Variants in ARHGAP21 observed in about 807,000 individuals in gnomAD.
ARHGAP21 encodes the protein Rho GTPase activating protein 21.
A neutral mutation model predicts 164.6 loss-of-function variants in ARHGAP21; 38 were observed. The observed-to-expected ratio is 0.23, with a 90% CI of 0.18 to 0.30. The LOEUF (loss-of-function observed/expected upper bound fraction) is 0.30. ARHGAP21 is among the 10% of genes least tolerant of loss of function. The pLI, the probability that ARHGAP21 is intolerant of heterozygous loss-of-function variation, is 1.00. For synonymous variants in ARHGAP21, 766 were observed against 857.9 expected (o/e 0.89, Z 1.87); for missense variants, 1,822 against 2,370.7 (o/e 0.77, Z 4.81).
intron 9 of ARHGAP21, among the ~76,000 whole-genome samples, chr10:24,609,005 T>G (rs1430094487): frequency 6.6e-6 from 1 of 152,196 alleles, no homozygotes; most frequent in East Asian, 1.9e-4. Flanking sequence ...AAATTGCACA[T>G]GTTTAACAAA....
intron 12 of ARHGAP21, among the ~76,000 whole-genome samples, chr10:24,602,516 T>C (rs1245282537): frequency 6.6e-6 from 1 of 152,088 alleles, no homozygotes; most frequent in Non-Finnish European, 1.5e-5. Flanking sequence ...GAGCCAGCCA[T>C]AAAAGGTCAG....
rs762309469 is a variant in ARHGAP21 at position 24,620,000 on chromosome 10, T to C, written c.1895A>G (p.His632Arg). 18 of 1,613,988 alleles carry C rather than the reference T, an allele frequency of 1.1e-5. No individual in the cohort carries two copies. The highest frequency in any genetic ancestry group is 1.3e-5 in the African/African-American group (1 of 75,040). ...CTGGCTAAATGATGGTTTTGTGACA[T>C]GCGTGGAAGGAGCTTTCAGAGAATT... ...RSNSLKAPST[H>R]VTKPSFSQKS... is the part of the protein sequence containing the mutation. The change falls in exon 9 of 26, where the codon CAT (histidine) becomes CGT (arginine). Residue 632 changes from histidine to arginine, a missense_variant. Coordinates refer to ENST00000396432, the MANE Select transcript of ARHGAP21 (RefSeq NM_020824.4).
Position 24,642,080 on chromosome 10 carries a change from T to A in ARHGAP21, c.269-6977A>T, listed in dbSNP as rs192223363. On this transcript the variant is annotated intron_variant, in intron 4 of 25. Transcript: ENST00000396432. ...GACAATAAAGCCCATGAATGCAGCT[T>A]AATTATAAAAACATTTTCAATCTTG... Among the ~76,000 whole-genome samples, 1,068 of 152,204 alleles carry A rather than the reference T, an allele frequency of 7.0e-3. 11 individuals carry two copies. The highest frequency in any genetic ancestry group is 0.024 in the African/African-American group (1,004 of 41,526).
intron 4 of ARHGAP21, among the ~76,000 whole-genome samples, chr10:24,664,720 A>G (rs934657587): frequency 2.2e-5 from 1 of 44,462 alleles, no homozygotes; most frequent in African/African-American, 1.8e-4. Flanking sequence ...GTGGCCATAA[A>G]CCCTTGAGTG....
chr10:24,635,201 T>A, intron 4 of ARHGAP21, 98 bp from the exon 5 acceptor site: 3 of 698,930 alleles, frequency 4.3e-6, no homozygotes, highest in Non-Finnish European at 6.7e-6. Context: ...CAAAGCTTTT[T>A]AATGAAATAT....
At chr10:24,627,717 T>C (rs1466336069) in intron 7 of ARHGAP21, among the ~76,000 whole-genome samples, 1 of 152,198 alleles carries the variant, frequency 6.6e-6, no homozygotes, top group East Asian at 1.9e-4. Flanking sequence ...CAGACTATTC[T>C]AGAATATGAA....
chr10:24,662,317 GAAGT>G (rs1035209242), intron 4 of ARHGAP21, among the ~76,000 whole-genome samples: 2 of 152,150 alleles, frequency 1.3e-5, no homozygotes, highest in African/African-American at 2.4e-5. Context: ...GATGTTAACA[GAAGT>G]AAGAGGGCAG....
chr10:24,596,603 T>C (rs1264532831), intron 17 of ARHGAP21, 137 bp downstream of exon 17: 1 of 1,176,736 alleles, frequency 8.5e-7, no homozygotes, highest in Non-Finnish European at 1.2e-6. Context: ...CAGAAATACT[T>C]AGGGAAACTA....
intron 9 of ARHGAP21, among the ~76,000 whole-genome samples, chr10:24,618,902 G>C (rs1169654635): frequency 6.6e-6 from 1 of 152,110 alleles, no homozygotes; most frequent in African/African-American, 2.4e-5. Flanking sequence ...GAACAGATCT[G>C]GGGTGGGAGG....
intron 2 of ARHGAP21, among the ~76,000 whole-genome samples, chr10:24,679,290 G>A (rs1372546198): frequency 6.6e-6 from 1 of 152,150 alleles, no homozygotes; most frequent in African/African-American, 2.4e-5. Flanking sequence ...GTTTGGTGAA[G>A]GCCTACTTCC....
At chr10:24,660,165 C>A (rs768618612) in intron 4 of ARHGAP21, among the ~76,000 whole-genome samples, 16 of 151,882 alleles carry the variant, frequency 1.1e-4, no homozygotes, top group Non-Finnish European at 1.6e-4. Context: ...AAAAAACATA[C>A]CTAATTAGTA....
intron 2 of ARHGAP21, among the ~76,000 whole-genome samples, chr10:24,702,127 C>CTTTTTTTT (rs71798625): frequency 2.0e-4 from 21 of 104,598 alleles, no homozygotes; most frequent in Non-Finnish European, 2.9e-4. Flanking sequence ...ACTTCCGGTT[C>CTTTTTTTT]TTTTTTTTTT....
At chr10:24,656,032 G>A (rs1240691189) in intron 4 of ARHGAP21, among the ~76,000 whole-genome samples, 1 of 145,636 alleles carries the variant, frequency 6.9e-6, no homozygotes, top group Non-Finnish European at 1.5e-5. Context: ...TGCCCCGTCT[G>A]AGAAGTGAGG....
chr10:24,645,343 G>A (rs1837451656), intron 4 of ARHGAP21, among the ~76,000 whole-genome samples: 1 of 152,122 alleles, frequency 6.6e-6, no homozygotes, highest in African/African-American at 2.4e-5. Context: ...CATTTTGGGA[G>A]GCTGAGATGG....
At chr10:24,693,430 T>G (rs950654569) in intron 2 of ARHGAP21, among the ~76,000 whole-genome samples, 1 of 151,936 alleles carries the variant, frequency 6.6e-6, no homozygotes. Context: ...CTGCAACCTC[T>G]GCCTCTGCCT....
rs889240656 is a variant in ARHGAP21, at chr10:24,660,050, CATT to C, written c.268+6932_268+6934del. 9.1e-4 allele frequency among the ~76,000 whole-genome samples: 139 copies of C among 152,226 alleles called. 1 individual carries two copies. The highest frequency in any genetic ancestry group is 4.2e-3 in the Admixed American group (64 of 15,290). ...CTGCCACCACCACCACTACCATCAT[CATT>C]ATCATCTTCATCATCATCATTATTC... is the stretch of plus-strand genomic sequence containing the variant. On this transcript the variant is annotated intron_variant, in intron 4 of 25. Coordinates refer to ENST00000396432, the MANE Select transcript of ARHGAP21 (RefSeq NM_020824.4).
chr10:24,589,124 ATAT>A, intron 25 of ARHGAP21, 144 bp downstream of exon 25: 1 of 736,640 alleles, frequency 1.4e-6, no homozygotes, highest in Non-Finnish European at 2.3e-6. Context: ...TTCTTATCAT[ATAT>A]TGTTTTAGGA....
chr10:24,678,165 C>T (rs891821596), intron 2 of ARHGAP21, among the ~76,000 whole-genome samples: 3 of 152,102 alleles, frequency 2.0e-5, no homozygotes, highest in African/African-American at 7.2e-5. Context: ...AATCTTTACG[C>T]AATTTCCTTC....
intron 24 of ARHGAP21, 161 bp downstream of exon 24, chr10:24,591,064 T>C (rs1353426074): frequency 7.2e-6 from 4 of 552,526 alleles, no homozygotes; most frequent in Middle Eastern, 1.8e-3. Flanking sequence ...GGAAGATAAT[T>C]CAGATCAATT....
Sources: allele counts gnomAD v4.1 joint callset (sites outside exome capture counted in the v4.1 genomes callset), GRCh38; gene constraint gnomAD v4.1.1; transcripts MANE v1.5; gene names NCBI Gene and HGNC (gene_info 2026-07-23, HGNC 2026-07-21).